Variants in TRABD2B observed in about 807,000 individuals in gnomAD.
TRABD2B encodes TraB domain containing 2B, also known as metalloprotease TIKI2.
A neutral mutation model predicts 40.1 loss-of-function variants in TRABD2B; 14 were observed. The observed-to-expected ratio is 0.35, with a 90% CI of 0.23 to 0.55. The LOEUF (loss-of-function observed/expected upper bound fraction) is 0.55. Ranked by LOEUF, TRABD2B falls within the 20% of genes least tolerant of loss-of-function variation. The probability of loss-of-function intolerance (pLI) is 0.90; values close to 1 mark genes in which losing one functional copy is unlikely to be tolerated. For synonymous variants in TRABD2B, 263 were observed against 277.0 expected (o/e 0.95, Z 0.50); for missense variants, 541 against 648.6 (o/e 0.83, Z 1.80).
chr1:47,872,108 C>T (rs756205329), intron 2 of TRABD2B, among the ~76,000 whole-genome samples: 2 of 152,204 alleles, frequency 1.3e-5, no homozygotes, highest in Non-Finnish European at 2.9e-5. Flanking sequence ...TCTGATGCAC[C>T]TTGGGAGGAC....
rs1236408330 is a variant in TRABD2B at position 47,761,503 on chromosome 1, G to A, written c.*4399C>T. 1 of 152,272 alleles carries A rather than the reference G, an allele frequency of 6.6e-6. No homozygotes were observed. The highest frequency in any genetic ancestry group is 1.5e-5 in the Non-Finnish European group (1 of 68,064). The allele number at this position is 152,272 out of a possible 1,614,324, so 9.4% of individuals were successfully genotyped here. A position where few individuals can be genotyped will look rare whatever the true frequency, so the allele number is the denominator to read the frequency against. ...GTGAGGGGTGGTGGTGGTTGTGGGT[G>A]GAGTGGGGAGGCTGGACTTATTCCT... On this transcript the variant is annotated 3_prime_UTR_variant, in exon 7 of 7. Transcript: ENST00000606738.
intron 2 of TRABD2B, among the ~76,000 whole-genome samples, chr1:47,804,522 G>A (rs1338935570): frequency 6.6e-6 from 1 of 152,222 alleles, no homozygotes; most frequent in Non-Finnish European, 1.5e-5. Flanking sequence ...CTGACCTGTG[G>A]TGAGGTCATC....
intron 2 of TRABD2B, among the ~76,000 whole-genome samples, chr1:47,832,152 GAA>G (rs1284034665): frequency 4.6e-5 from 7 of 152,160 alleles, no homozygotes; most frequent in Admixed American, 1.3e-4. Context: ...CTAATGTGGT[GAA>G]GCCCCATCTC....
chr1:47,774,343 G>A (rs1644414845), intron 6 of TRABD2B, among the ~76,000 whole-genome samples: 2 of 152,190 alleles, frequency 1.3e-5, no homozygotes, highest in Admixed American at 1.3e-4. Flanking sequence ...TCAGAGCTGG[G>A]CCAGTGCAGT....
rs577563649 is a variant in TRABD2B, at chr1:47,993,926, A to C, written c.666+108T>G. 9 of 1,149,024 alleles carry C rather than the reference A, an allele frequency of 7.8e-6. No homozygotes were observed. The Admixed American group carries it at 2.4e-4, about 31-fold the overall frequency. The allele number at this position is 1,149,024 out of a possible 1,614,324, so 71.2% of individuals were successfully genotyped here. On this transcript the variant is annotated intron_variant, in intron 2 of 6. Coordinates refer to ENST00000606738, the MANE Select transcript of TRABD2B (RefSeq NM_001194986.2). ...CAGAACCTCTCCTTCCAGAAAAAGG[A>C]CCTGACTCTGGCTGCCTCCCCCTCC...
intron 4 of TRABD2B, among the ~76,000 whole-genome samples, chr1:47,791,548 C>T (rs765825739): frequency 2.0e-5 from 3 of 152,118 alleles, no homozygotes; most frequent in South Asian, 2.1e-4. Flanking sequence ...CAATGGGCTG[C>T]GAGAGCCCAC....
intron 2 of TRABD2B, among the ~76,000 whole-genome samples, chr1:47,847,733 G>A (rs974573186): frequency 1.3e-5 from 2 of 152,152 alleles, no homozygotes; most frequent in African/African-American, 4.8e-5. Flanking sequence ...GTCAAGAGGG[G>A]GAAATGTCCA....
chr1:47,832,058 C>A (rs998954789), intron 2 of TRABD2B, among the ~76,000 whole-genome samples: 2 of 152,266 alleles, frequency 1.3e-5, no homozygotes, highest in African/African-American at 2.4e-5. Context: ...TCGGGCTGGG[C>A]GCAGTGGCTC....
intron 2 of TRABD2B, among the ~76,000 whole-genome samples, chr1:47,874,252 A>ACTTTT (rs1461578175): frequency 2.3e-4 from 21 of 90,516 alleles, no homozygotes; most frequent in African/African-American, 9.0e-4. Context: ...TGATTAATTA[A>ACTTTT]TTTTTTTTTT....
chr1:47,929,313 T>C (rs1645009638), intron 2 of TRABD2B, among the ~76,000 whole-genome samples: 1 of 152,208 alleles, frequency 6.6e-6, no homozygotes, highest in Admixed American at 6.5e-5. Context: ...CCTGGTCCTC[T>C]GGATGTTTCC....
chr1:47,931,912 AG>A (rs1258633979), intron 2 of TRABD2B, among the ~76,000 whole-genome samples: 1 of 152,200 alleles, frequency 6.6e-6, no homozygotes, highest in African/African-American at 2.4e-5. Context: ...AGCAGAGGAA[AG>A]GGACAAAGAG....
intron 2 of TRABD2B, among the ~76,000 whole-genome samples, chr1:47,870,914 T>A (rs1040779462): frequency 6.6e-6 from 1 of 152,152 alleles, no homozygotes; most frequent in African/African-American, 2.4e-5. Flanking sequence ...GAGAACAGCA[T>A]ATGAAGAATG....
intron 5 of TRABD2B, among the ~76,000 whole-genome samples, chr1:47,777,446 A>G (rs990117988): frequency 6.6e-6 from 1 of 152,170 alleles, no homozygotes; most frequent in Non-Finnish European, 1.5e-5. Context: ...ACCTCAGTTC[A>G]CCCTCAGAGC....
At position 47,851,822 on chromosome 1, in the gene TRABD2B, TATC is replaced by T. The variant is rs1341852127; in HGVS notation, c.667-50206_667-50204del. The stretch of plus-strand genomic sequence containing the variant: ...GCCTTCCCATTGGTTCTGTGAGCAT[TATC>T]ATTTTATTGGCGAGGAACCCTAGGC... On this transcript the variant is annotated intron_variant, in intron 2 of 6. Transcript: ENST00000606738. Among the ~76,000 whole-genome samples the T allele has an allele frequency of 9.2e-5, 14 of 152,280 alleles. No homozygotes were observed. In the East Asian group the frequency reaches 2.7e-3, roughly 29 times the overall value.
At chr1:47,868,659 T>G (rs1462941242) in intron 2 of TRABD2B, among the ~76,000 whole-genome samples, 1 of 152,120 alleles carries the variant, frequency 6.6e-6, no homozygotes, top group East Asian at 1.9e-4. Context: ...TGAAACAATT[T>G]CATCACTAAA....
At chr1:47,932,922 C>G (rs1223894588) in intron 2 of TRABD2B, among the ~76,000 whole-genome samples, 1 of 152,124 alleles carries the variant, frequency 6.6e-6, no homozygotes, top group African/African-American at 2.4e-5. Flanking sequence ...GGTTCTTGGT[C>G]CCAGAACGTG....
chr1:47,967,065 T>C (rs901235522), intron 2 of TRABD2B, among the ~76,000 whole-genome samples: 1 of 152,138 alleles, frequency 6.6e-6, no homozygotes, highest in African/African-American at 2.4e-5. Context: ...CCCTTGACCA[T>C]GTGCTTGGAT....
chr1:47,918,458 G>A (rs990989136), intron 2 of TRABD2B, among the ~76,000 whole-genome samples: 3 of 152,194 alleles, frequency 2.0e-5, no homozygotes, highest in Non-Finnish European at 4.4e-5. Context: ...ACCTGTCCAA[G>A]ATCACATAGC....
intron 2 of TRABD2B, among the ~76,000 whole-genome samples, chr1:47,981,471 G>A (rs1236690712): frequency 6.6e-6 from 1 of 152,102 alleles, no homozygotes; most frequent in East Asian, 1.9e-4. Flanking sequence ...TGTAAAATGC[G>A]GCTGAATCTA....
Sources: gnomAD v4.1 joint callset for allele counts (sites outside exome capture counted in the v4.1 genomes callset) on GRCh38, gnomAD v4.1.1 for gene constraint, MANE v1.5 for transcripts, NCBI Gene and HGNC (gene_info 2026-07-23, HGNC 2026-07-21) for gene names.